NRF1: variants seen among roughly 807,000 people sequenced by gnomAD.
The protein encoded by NRF1 is nuclear respiratory factor 1.
In NRF1, 5 loss-of-function variants were observed where a neutral mutation model predicts 58.5. The observed-to-expected ratio is 0.09, with a 90% CI of 0.04 to 0.18. NRF1 has a LOEUF of 0.18. NRF1 is among the 10% of genes least tolerant of loss of function. The pLI is 1.00. For missense variants in NRF1, 288 were observed against 657.7 expected (o/e 0.44, Z 6.15); for synonymous variants, 224 against 246.7 (o/e 0.91, Z 0.86).
intron 1 of NRF1, among the ~76,000 whole-genome samples, chr7:129,634,061 T>TATATACACACAC (rs764569771): frequency 3.8e-5 from 5 of 131,466 alleles, no homozygotes; most frequent in African/African-American, 1.4e-4. Flanking sequence ...TATATATATA[T>TATATACACACAC]ACACACACAC....
intron 4 of NRF1, among the ~76,000 whole-genome samples, chr7:129,682,751 A>G (rs1017499569): frequency 2.6e-5 from 4 of 152,018 alleles, no homozygotes; most frequent in South Asian, 2.1e-4. Flanking sequence ...GCAGTGAACT[A>G]TGATTATTCC....
intron 1 of NRF1, among the ~76,000 whole-genome samples, chr7:129,638,541 T>G (rs1472628223): frequency 6.6e-6 from 1 of 152,182 alleles, no homozygotes; most frequent in Non-Finnish European, 1.5e-5. Flanking sequence ...TCTTTTCCCC[T>G]TCTGTTTTTG....
chr7:129,658,560 C>T (rs185293306), intron 2 of NRF1, among the ~76,000 whole-genome samples: 5 of 141,554 alleles, frequency 3.5e-5, no homozygotes, highest in Admixed American at 3.0e-4. Context: ...CACTGCACTA[C>T]AGCGTGAGTG....
At chr7:129,700,169 T>C (rs1370640765) in intron 5 of NRF1, among the ~76,000 whole-genome samples, 2 of 152,042 alleles carry the variant, frequency 1.3e-5, no homozygotes, top group South Asian at 2.1e-4. Context: ...GAAATAATTA[T>C]GATGGTTATA....
chr7:129,634,057 T>TACACACAC (rs1394350250), intron 1 of NRF1, among the ~76,000 whole-genome samples: 1 of 114,450 alleles, frequency 8.7e-6, no homozygotes, highest in African/African-American at 3.5e-5. Flanking sequence ...TATATATATA[T>TACACACAC]ATATACACAC....
chr7:129,632,237 G>T (rs1455017614), intron 1 of NRF1, among the ~76,000 whole-genome samples: 1 of 152,070 alleles, frequency 6.6e-6, no homozygotes. Flanking sequence ...TCATGCCACT[G>T]CACTCCAGCC....
intron 4 of NRF1, among the ~76,000 whole-genome samples, chr7:129,686,220 T>C (rs555088696): frequency 6.6e-6 from 1 of 151,972 alleles, no homozygotes; most frequent in African/African-American, 2.4e-5. Flanking sequence ...AGTTGCTCAG[T>C]ATAGGACTCC....
At chr7:129,745,282 G>A (rs1335246053) in intron 10 of NRF1, among the ~76,000 whole-genome samples, 1 of 152,058 alleles carries the variant, frequency 6.6e-6, no homozygotes, top group East Asian at 1.9e-4. Context: ...GGAATTTACT[G>A]GGTACCCCTT....
At chr7:129,727,955 G>A (rs1321592166) in intron 10 of NRF1, among the ~76,000 whole-genome samples, 1 of 152,078 alleles carries the variant, frequency 6.6e-6, no homozygotes, top group African/African-American at 2.4e-5. Context: ...CCTGGACATT[G>A]GTGAATATCC....
intron 1 of NRF1, among the ~76,000 whole-genome samples, chr7:129,642,380 A>G (rs1801310764): frequency 6.6e-6 from 1 of 152,230 alleles, no homozygotes; most frequent in African/African-American, 2.4e-5. Context: ...ATAGTGAGAA[A>G]TTGGAAATAA....
chr7:129,676,285 C>T (rs1294479787), intron 3 of NRF1, among the ~76,000 whole-genome samples: 5 of 152,228 alleles, frequency 3.3e-5, no homozygotes, highest in Non-Finnish European at 5.9e-5. Context: ...GCATTAACAA[C>T]GTGGCCAACT....
chr7:129,748,669 A>G (rs1374219819), intron 10 of NRF1, among the ~76,000 whole-genome samples: 1 of 149,118 alleles, frequency 6.7e-6, no homozygotes, highest in African/African-American at 2.4e-5. Context: ...AAAGCAAAGT[A>G]ATGTTTTTGA....
At chr7:129,629,703 T>C (rs919870098) in intron 1 of NRF1, among the ~76,000 whole-genome samples, 3 of 149,398 alleles carry the variant, frequency 2.0e-5, no homozygotes, top group African/African-American at 7.3e-5. Flanking sequence ...AAGACATAAC[T>C]CTGGGGAGAA....
intron 10 of NRF1, among the ~76,000 whole-genome samples, chr7:129,734,568 T>A (rs1454848609): frequency 6.6e-6 from 1 of 152,238 alleles, no homozygotes; most frequent in Non-Finnish European, 1.5e-5. Flanking sequence ...TGGAGGTTCA[T>A]GCTGCTGAGT....
intron 1 of NRF1, among the ~76,000 whole-genome samples, chr7:129,620,388 C>CTTTT (rs10714338): frequency 8.3e-5 from 11 of 132,576 alleles, no homozygotes; most frequent in Admixed American, 3.0e-4. Context: ...AATCAAATCA[C>CTTTT]TTTTTTTTTT....
intron 10 of NRF1, among the ~76,000 whole-genome samples, chr7:129,749,432 T>TAAAAAAAAAAA (rs11405110): frequency 7.1e-6 from 1 of 140,952 alleles, no homozygotes. Context: ...TGATACACAT[T>TAAAAAAAAAAA]AAAAAAAAAA....
At chr7:129,690,808 A>T (rs1435390303) in intron 5 of NRF1, among the ~76,000 whole-genome samples, 5 of 150,848 alleles carry the variant, frequency 3.3e-5, no homozygotes, top group African/African-American at 4.9e-5. Context: ...GGTTGGATTT[A>T]AAAAAAAACA....
chr7:129,660,233 G>A (rs140471688), intron 2 of NRF1, among the ~76,000 whole-genome samples: 20 of 152,000 alleles, frequency 1.3e-4, no homozygotes, highest in Non-Finnish European at 1.6e-4. Context: ...AATTATGAGA[G>A]TACAATTCAA....
intron 1 of NRF1, among the ~76,000 whole-genome samples, chr7:129,653,981 C>A (rs7786760): frequency 0.88 from 133,981 of 152,198 alleles, 59,057 homozygotes; most frequent in East Asian, 0.93. Flanking sequence ...TCCTTTGGGT[C>A]AATACAAAGG....
Sources: allele counts gnomAD v4.1 joint callset (sites outside exome capture counted in the v4.1 genomes callset), GRCh38; gene constraint gnomAD v4.1.1; transcripts MANE v1.5; gene names NCBI Gene and HGNC (gene_info 2026-07-23, HGNC 2026-07-21).